Variants in PKHD1 observed in about 807,000 individuals in gnomAD.
The protein encoded by PKHD1 is PKHD1 ciliary IPT domain containing fibrocystin/polyductin.
In PKHD1, 291 loss-of-function variants were observed where a neutral mutation model predicts 412.0. The ratio of observed to expected loss-of-function variants is 0.71; its 90% CI spans 0.64 to 0.78. The LOEUF (loss-of-function observed/expected upper bound fraction) is 0.78, where lower values mean the gene tolerates loss of function less well. Ranked by LOEUF, PKHD1 falls within the 30% of genes least tolerant of loss-of-function variation. The pLI is 0.00. For missense variants in PKHD1, 4,825 were observed against 4,950.7 expected, an observed-to-expected ratio of 0.97 and a Z score of 0.76; for synonymous variants, 1,777 against 1,821.5, an observed-to-expected ratio of 0.98 and a Z score of 0.62.
At chr6:51,820,707 C>G (rs1479819219) in intron 52 of PKHD1, among the ~76,000 whole-genome samples, 1 of 152,044 alleles carries the variant, frequency 6.6e-6, no homozygotes, top group Non-Finnish European at 1.5e-5. Context: ...GTGTGGTAAC[C>G]TAAGGGTCAG....
At position 51,631,781 on chromosome 6, in the gene PKHD1, T is replaced by C. The variant is rs1767943781; in HGVS notation, c.11665+784A>G. 2.0e-5 allele frequency among the ~76,000 whole-genome samples: 3 copies of C among 151,976 alleles called. No homozygotes were observed. The South Asian group carries it at 6.2e-4, about 32-fold the overall frequency. On this transcript the variant is annotated intron_variant, in intron 65 of 66. Coordinates refer to ENST00000371117, the MANE Select transcript of PKHD1 (RefSeq NM_138694.4). ...CCTCAGTGACTACAAGTCTCCAGCT[T>C]TAAAAAATTAAAAAATGGCATCCAC...
At chr6:52,085,407 A>G (rs1812616524) in intron 1 of PKHD1, among the ~76,000 whole-genome samples, 1 of 152,026 alleles carries the variant, frequency 6.6e-6, no homozygotes, top group Non-Finnish European at 1.5e-5. Flanking sequence ...TGAACCCTAC[A>G]CTGCAGCCAC....
At chr6:52,075,148 G>C (rs1811175162) in intron 6 of PKHD1, among the ~76,000 whole-genome samples, 1 of 152,184 alleles carries the variant, frequency 6.6e-6, no homozygotes, top group Non-Finnish European at 1.5e-5. Context: ...CAATGATTCA[G>C]ACAAATGGAA....
chr6:51,962,300 T>C (rs911293592), intron 35 of PKHD1, among the ~76,000 whole-genome samples: 9 of 152,100 alleles, frequency 5.9e-5, no homozygotes, highest in Non-Finnish European at 1.2e-4. Flanking sequence ...CGGGAACAAC[T>C]AGACATTAGT....
chr6:51,789,139 A>C (rs187488206), intron 53 of PKHD1, among the ~76,000 whole-genome samples: 2 of 152,338 alleles, frequency 1.3e-5, no homozygotes, highest in East Asian at 1.9e-4. Flanking sequence ...CAATGCCAAT[A>C]AGAAAGAGGG....
chr6:51,698,975 C>T (rs1456917413), intron 60 of PKHD1, among the ~76,000 whole-genome samples: 2 of 152,156 alleles, frequency 1.3e-5, no homozygotes, highest in Non-Finnish European at 2.9e-5. Flanking sequence ...TATATCATGG[C>T]TTTCAAAACC....
chr6:51,792,844 T>C lies in PKHD1; in HGVS notation c.8303-1471A>G, dbSNP rs376708906. ...CCCTGGGGAAACAACCTCTCTCTTT[T>C]ACACTCCAGTGACACCCTGTACATA... On this transcript the variant is annotated intron_variant, in intron 52 of 66. Transcript: ENST00000371117. Among the ~76,000 whole-genome samples the C allele has an allele frequency of 7.2e-5, 11 of 152,298 alleles. No homozygotes were observed. The East Asian group carries it at 1.3e-3, about 19-fold the overall frequency.
chr6:51,974,464 C>T (rs1794098628), intron 35 of PKHD1, among the ~76,000 whole-genome samples: 1 of 152,116 alleles, frequency 6.6e-6, no homozygotes, highest in Non-Finnish European at 1.5e-5. Flanking sequence ...CTGTTGAAAG[C>T]TTGTCCTGTT....
chr6:51,946,045 T>A (rs1301348956), intron 36 of PKHD1, among the ~76,000 whole-genome samples: 1 of 152,228 alleles, frequency 6.6e-6, no homozygotes, highest in Non-Finnish European at 1.5e-5. Context: ...TGAAACAGAT[T>A]ACAAGGATTA....
intron 60 of PKHD1, among the ~76,000 whole-genome samples, chr6:51,706,908 A>G (rs1780082670): frequency 6.6e-6 from 1 of 152,198 alleles, no homozygotes; most frequent in Non-Finnish European, 1.5e-5. Flanking sequence ...AATTATTGCA[A>G]AGGATTTGAG....
At chr6:51,962,915 T>C (rs951470291) in intron 35 of PKHD1, among the ~76,000 whole-genome samples, 6 of 152,132 alleles carry the variant, frequency 3.9e-5, no homozygotes, top group African/African-American at 1.4e-4. Context: ...CTTACTCAAA[T>C]GAAGCAGAGA....
intron 66 of PKHD1, among the ~76,000 whole-genome samples, chr6:51,621,367 T>C (rs542344858): frequency 7.4e-4 from 113 of 152,268 alleles, no homozygotes; most frequent in Middle Eastern, 3.4e-3. Context: ...TAATAAATTA[T>C]CAGGTAGAAG....
chr6:51,713,485 G>A (rs1001952788), intron 60 of PKHD1, among the ~76,000 whole-genome samples: 7 of 152,362 alleles, frequency 4.6e-5, no homozygotes, highest in Non-Finnish European at 8.8e-5. Flanking sequence ...AGGGCCTGGA[G>A]TTGAGAGAGG....
intron 60 of PKHD1, among the ~76,000 whole-genome samples, chr6:51,691,429 G>A (rs764833408): frequency 6.6e-6 from 1 of 152,068 alleles, no homozygotes; most frequent in Non-Finnish European, 1.5e-5. Flanking sequence ...TTATAGCTTG[G>A]TTAAAGAAAA....
At chr6:51,912,675 A>T in intron 37 of PKHD1, 99 bp from the exon 38 acceptor site, 1 of 855,946 alleles carries the variant, frequency 1.2e-6, no homozygotes, top group Non-Finnish European at 2.0e-6. Context: ...TAGCCAAAGA[A>T]TCCCATAAAA....
At chr6:51,767,936 G>T (rs1345923433) in intron 55 of PKHD1, among the ~76,000 whole-genome samples, 1 of 152,106 alleles carries the variant, frequency 6.6e-6, no homozygotes. Context: ...CCCACCAACA[G>T]TGTAAAAGTG....
chr6:51,928,686 G>T (rs1417082131), intron 37 of PKHD1, among the ~76,000 whole-genome samples: 1 of 152,028 alleles, frequency 6.6e-6, no homozygotes, highest in Non-Finnish European at 1.5e-5. Context: ...TCCTTTCTTT[G>T]GTAGTAGAAA....
chr6:51,701,237 G>T (rs1310687928), intron 60 of PKHD1, among the ~76,000 whole-genome samples: 1 of 151,918 alleles, frequency 6.6e-6, no homozygotes, highest in Admixed American at 6.6e-5. Flanking sequence ...AATTTTCATG[G>T]TGAGTATCAC....
intron 65 of PKHD1, among the ~76,000 whole-genome samples, chr6:51,629,783 AT>A (rs1402968602): frequency 6.6e-6 from 1 of 152,166 alleles, no homozygotes; most frequent in African/African-American, 2.4e-5. Context: ...TGAAATAATG[AT>A]TGAGAAATTA....
Sources: gnomAD v4.1 joint callset for allele counts (sites outside exome capture counted in the v4.1 genomes callset) on GRCh38, gnomAD v4.1.1 for gene constraint, MANE v1.5 for transcripts, NCBI Gene and HGNC (gene_info 2026-07-23, HGNC 2026-07-21) for gene names.